Variants in PIAS2 observed in about 807,000 individuals in gnomAD.
PIAS2 encodes E3 SUMO-protein ligase PIAS2.
Under a neutral mutation model 69.7 loss-of-function variants are expected in PIAS2, and 19 were observed. The observed-to-expected ratio is 0.27, with a 90% confidence interval of 0.19 to 0.40. The LOEUF (loss-of-function observed/expected upper bound fraction) is 0.40. Ranked by LOEUF, PIAS2 falls within the 10% of genes least tolerant of loss-of-function variation. PIAS2 has a pLI of 1.00. For missense variants in PIAS2, 624 were observed against 757.0 expected (o/e 0.82, Z 2.06); for synonymous variants, 261 against 263.2 (o/e 0.99, Z 0.08).
At chr18:46,821,385 T>C (rs2042162059) in intron 11 of PIAS2, among the ~76,000 whole-genome samples, 2 of 152,174 alleles carry the variant, frequency 1.3e-5, no homozygotes, top group African/African-American at 4.8e-5. Flanking sequence ...TATTAATATG[T>C]ATGTAATATG....
chr18:46,837,512 A>C (rs946108395), intron 8 of PIAS2, among the ~76,000 whole-genome samples: 2 of 152,186 alleles, frequency 1.3e-5, no homozygotes, highest in Non-Finnish European at 2.9e-5. Flanking sequence ...CATGAACTGC[A>C]AATATATTTT....
chr18:46,879,096 G>A (rs578165798), intron 2 of PIAS2, among the ~76,000 whole-genome samples: 2 of 152,182 alleles, frequency 1.3e-5, no homozygotes, highest in Non-Finnish European at 2.9e-5. Context: ...GAGCTATCCG[G>A]TTCTCATCAC....
chr18:46,825,159 T>C (rs1231490818), intron 11 of PIAS2, among the ~76,000 whole-genome samples: 1 of 151,896 alleles, frequency 6.6e-6, no homozygotes, highest in Non-Finnish European at 1.5e-5. Context: ...AGGAAAACCA[T>C]AAAAACTCTA....
At chr18:46,887,709 A>G (rs1479214644) in intron 2 of PIAS2, among the ~76,000 whole-genome samples, 2 of 152,232 alleles carry the variant, frequency 1.3e-5, no homozygotes, top group Non-Finnish European at 2.9e-5. Context: ...AATCAGTTTA[A>G]AAGCTACATT....
At chr18:46,817,808 T>C in intron 12 of PIAS2, 1 of 957,218 alleles carries the variant, frequency 1.0e-6, no homozygotes, top group Non-Finnish European at 1.2e-6. Context: ...TTATTCTTTC[T>C]AACAAAAAAC....
At chr18:46,906,558 A>G (rs1446317390) in intron 1 of PIAS2, among the ~76,000 whole-genome samples, 1 of 152,210 alleles carries the variant, frequency 6.6e-6, no homozygotes, top group East Asian at 1.9e-4. Flanking sequence ...TGCTATAAAA[A>G]TAATTTGTTA....
chr18:46,890,588 G>A lies in PIAS2; in HGVS notation c.491C>T (p.Thr164Met), dbSNP rs1183787639. The change falls in exon 2 of 14, where the codon ACG becomes ATG. Residue 164 changes from threonine (T) to methionine (M), a missense_variant. Thr to Met is a moderately conservative substitution (Grantham distance 81). Transcript: ENST00000585916. ...YDVLDVLIKP[T>M]SLVQSSIQRF... is the part of the protein sequence containing the mutation. ...AATTCTCAAACACTTACCTAAACTC[G>A]TGGGCTTGATGAGAACATCAAGGAC... 6 of 1,602,174 alleles carry A rather than the reference G, an allele frequency of 3.7e-6. No individual in the cohort carries two copies. In the African/African-American group the frequency reaches 4.0e-5, roughly 11 times the overall value.
chr18:46,846,608 A>C lies in PIAS2; in HGVS notation c.861+99T>G, dbSNP rs952565714. On this transcript the variant is annotated intron_variant, in intron 6 of 13. Transcript: ENST00000585916. ...TACTGCTTTTTAGAGATTACAATCCAAAAACAGAAAGAGCTGAAGCCAACA... is the reference window on the plus strand; with the variant it reads ...TACTGCTTTTTAGAGATTACAATCCCAAAACAGAAAGAGCTGAAGCCAACA... 3.3e-6 allele frequency: 4 copies of C among 1,214,958 alleles called. No homozygotes were observed. In the African/African-American group the frequency reaches 6.2e-5, roughly 19 times the overall value. 75.3% of individuals were successfully genotyped at this position (1,214,958 alleles called of 1,614,324 possible). A position where few individuals can be genotyped will look rare whatever the true frequency, so the allele number is the denominator to read the frequency against.
At chr18:46,900,757 C>T (rs900324496) in intron 1 of PIAS2, among the ~76,000 whole-genome samples, 1 of 151,370 alleles carries the variant, frequency 6.6e-6, no homozygotes, top group African/African-American at 2.4e-5. Flanking sequence ...GGGTGAATCA[C>T]GAGGTCAGGC....
At chr18:46,879,385 T>C (rs1598744312) in intron 2 of PIAS2, among the ~76,000 whole-genome samples, 1 of 150,746 alleles carries the variant, frequency 6.6e-6, no homozygotes, top group Non-Finnish European at 1.5e-5. Flanking sequence ...ATGGTCACTA[T>C]AAAAAAAAAT....
intron 1 of PIAS2, among the ~76,000 whole-genome samples, chr18:46,907,317 C>G (rs2056737060): frequency 6.6e-6 from 1 of 152,168 alleles, no homozygotes; most frequent in Admixed American, 6.5e-5. Flanking sequence ...TAAGCACATT[C>G]AAAGGAGCTT....
At chr18:46,863,162 A>G (rs1199310192) in intron 3 of PIAS2, among the ~76,000 whole-genome samples, 2 of 152,160 alleles carry the variant, frequency 1.3e-5, no homozygotes, top group Non-Finnish European at 2.9e-5. Flanking sequence ...GGATGACTAT[A>G]CAGCTCACTT....
At chr18:46,889,856 T>C (rs949134777) in intron 2 of PIAS2, among the ~76,000 whole-genome samples, 2 of 152,248 alleles carry the variant, frequency 1.3e-5, no homozygotes, top group African/African-American at 2.4e-5. Flanking sequence ...TGTGGTATCC[T>C]ATAACACAGA....
At chr18:46,892,618 A>T (rs976929853) in intron 1 of PIAS2, among the ~76,000 whole-genome samples, 1 of 152,044 alleles carries the variant, frequency 6.6e-6, no homozygotes, top group Admixed American at 6.6e-5. Flanking sequence ...ACAAAAATTT[A>T]AAAATTAGCC....
intron 7 of PIAS2, among the ~76,000 whole-genome samples, 160 bp from the exon 8 acceptor site, chr18:46,844,287 ATTTC>A (rs2074265328): frequency 2.0e-5 from 3 of 152,278 alleles, no homozygotes; most frequent in Middle Eastern, 3.4e-3. Context: ...GAACATGCAA[ATTTC>A]TTTGTTTAAA....
At chr18:46,917,566 T>G (rs1457506556), upstream of PIAS2, 3 of 1,096,030 alleles carry the variant, frequency 2.7e-6, no homozygotes, top group East Asian at 5.4e-5. Flanking sequence ...CGGTGCCCCC[T>G]GCCCACCCGC....
chr18:46,844,301 A>C (rs1314938516), intron 7 of PIAS2, among the ~76,000 whole-genome samples, 174 bp from the exon 8 acceptor site: 3 of 152,150 alleles, frequency 2.0e-5, no homozygotes, highest in Admixed American at 2.0e-4. Flanking sequence ...CTTTGTTTAA[A>C]TTCTTAAAAT....
chr18:46,844,421 C>G (rs2045873749), intron 7 of PIAS2, among the ~76,000 whole-genome samples: 1 of 152,000 alleles, frequency 6.6e-6, no homozygotes, highest in Non-Finnish European at 1.5e-5. Flanking sequence ...GCAGCAGTAC[C>G]CTGAGCGTCA....
At position 46,874,147 on chromosome 18, in the gene PIAS2, T is replaced by A. The variant is rs192023986; in HGVS notation, c.500-9899A>T. Among the ~76,000 whole-genome samples, 897 of 151,622 alleles carry A rather than the reference T, an allele frequency of 5.9e-3. 8 individuals carry two copies. Among genetic ancestry groups the A allele is most frequent in the Non-Finnish European group, 9.4e-3 (637 of 67,934 alleles). ...ACAAGTTACAGATAATTGTTTAATATGCAAAAAAACTAATAAGCGAATCCT... is the reference window on the plus strand; with the variant it reads ...ACAAGTTACAGATAATTGTTTAATAAGCAAAAAAACTAATAAGCGAATCCT... On this transcript the variant is annotated intron_variant, in intron 2 of 13. Transcript: ENST00000585916.
Sources: gnomAD v4.1 joint callset for allele counts (sites outside exome capture counted in the v4.1 genomes callset) on GRCh38, gnomAD v4.1.1 for gene constraint, MANE v1.5 for transcripts, NCBI Gene and HGNC (gene_info 2026-07-23, HGNC 2026-07-21) for gene names.